Variants in CAST observed in about 807,000 individuals in gnomAD.
The protein encoded by CAST is calpastatin.
A neutral mutation model predicts 119.6 loss-of-function variants in CAST; 76 were observed. That is an observed-to-expected ratio of 0.64 (90% confidence interval 0.53 to 0.77). The LOEUF (loss-of-function observed/expected upper bound fraction) is 0.77, where lower values mean the gene tolerates loss of function less well. CAST is among the 30% of genes least tolerant of loss of function. CAST has a pLI of 0.00. For missense variants in CAST, 953 were observed against 946.5 expected, an observed-to-expected ratio of 1.01 and a Z score of -0.09; for synonymous variants, 319 against 331.6, an observed-to-expected ratio of 0.96 and a Z score of 0.41.
the CAST span, among the ~76,000 whole-genome samples, chr5:96,035,520 A>G: frequency 6.6e-6 from 1 of 152,138 alleles, no homozygotes; most frequent in South Asian, 2.1e-4. Flanking sequence ...TATTTTTAAC[A>G]AGGAATCCTA....
At chr5:96,318,468 CA>C in the CAST span, 2 of 152,200 alleles carry the variant, frequency 1.3e-5, no homozygotes, top group African/African-American at 4.8e-5. Context: ...TTCTTGCTCC[CA>C]CAGCTTTTGG....
At chr5:96,709,786 T>G (rs1755730093) in intron 3 of CAST, among the ~76,000 whole-genome samples, 1 of 152,240 alleles carries the variant, frequency 6.6e-6, no homozygotes, top group South Asian at 2.1e-4. Flanking sequence ...TTCTGAAAAT[T>G]TAATTACTTG....
the CAST span, among the ~76,000 whole-genome samples, chr5:96,261,920 T>A: frequency 6.6e-6 from 1 of 152,246 alleles, no homozygotes; most frequent in Non-Finnish European, 1.5e-5. Context: ...CTTTTTATGA[T>A]CACATCTAAT....
the CAST span, among the ~76,000 whole-genome samples, chr5:96,511,643 A>G: frequency 6.6e-6 from 1 of 152,184 alleles, no homozygotes; most frequent in African/African-American, 2.4e-5. Context: ...TAGAAAGGAC[A>G]TTTTATGCTA....
chr5:96,088,651 G>A, the CAST span, among the ~76,000 whole-genome samples: 22 of 152,170 alleles, frequency 1.4e-4, no homozygotes, highest in Admixed American at 6.5e-5. Flanking sequence ...AAAATATAAT[G>A]GAGGATGTTT....
intron 2 of CAST, among the ~76,000 whole-genome samples, chr5:96,680,922 T>C (rs1332935891): frequency 1.3e-5 from 2 of 152,250 alleles, no homozygotes; most frequent in Non-Finnish European, 2.9e-5. Flanking sequence ...CATGTCTCAG[T>C]GCCAAGAAAA....
intron 1 of CAST, among the ~76,000 whole-genome samples, chr5:96,617,812 A>C (rs1043946819): frequency 3.5e-5 from 5 of 144,544 alleles, no homozygotes; most frequent in Admixed American, 7.1e-5. Context: ...AAAAAAAAAA[A>C]AAAAAAAAAA....
the CAST span, among the ~76,000 whole-genome samples, chr5:96,476,030 AG>A: frequency 9.9e-5 from 15 of 152,204 alleles, no homozygotes; most frequent in Admixed American, 1.3e-4. Context: ...GAGCAGGAAA[AG>A]AAAGCCATCC....
the CAST span, among the ~76,000 whole-genome samples, chr5:96,167,447 T>C: frequency 2.6e-5 from 4 of 151,976 alleles, no homozygotes; most frequent in Non-Finnish European, 5.9e-5. Context: ...TAAAAAGGAG[T>C]GTCCATGCAG....
At chr5:95,997,962 G>GTTTTTTTTTTTTT in the CAST span, among the ~76,000 whole-genome samples, 1 of 111,698 alleles carries the variant, frequency 9.0e-6, no homozygotes, top group Non-Finnish European at 1.7e-5. Flanking sequence ...TTTGAGAGAG[G>GTTTTTTTTTTTTT]GTTTTTTTTT....
intron 1 of CAST, among the ~76,000 whole-genome samples, chr5:96,629,009 C>T (rs963061339): frequency 4.6e-5 from 7 of 152,068 alleles, no homozygotes; most frequent in African/African-American, 1.7e-4. Flanking sequence ...GCCAAGCCTC[C>T]ATTTTCGTTC....
At chr5:96,451,101 C>A in the CAST span, among the ~76,000 whole-genome samples, 1 of 152,000 alleles carries the variant, frequency 6.6e-6, no homozygotes, top group Non-Finnish European at 1.5e-5. Flanking sequence ...CTTAATTGCA[C>A]CTACCATTTG....
chr5:96,620,844 G>C (rs2611718), intron 1 of CAST, among the ~76,000 whole-genome samples: 109,776 of 152,160 alleles, frequency 0.72, 39,986 homozygotes, highest in African/African-American at 0.81. Context: ...AGAAAAAGCG[G>C]AAACGGTATT....
chr5:96,179,299 C>G, the CAST span, among the ~76,000 whole-genome samples: 1 of 152,190 alleles, frequency 6.6e-6, no homozygotes, highest in Non-Finnish European at 1.5e-5. Context: ...TATTCCCTGT[C>G]CTACCCTTGC....
chr5:96,444,980 G>A, the CAST span, among the ~76,000 whole-genome samples: 1 of 152,182 alleles, frequency 6.6e-6, no homozygotes, highest in African/African-American at 2.4e-5. Flanking sequence ...TAGAAGAGTT[G>A]AGAAAACCTC....
In CAST at chr5:96,770,583, A is replaced by C. The variant is rs1288996236; in HGVS notation, c.2321A>C (p.Lys774Thr). The change falls in exon 30 of 32, where the codon AAA becomes ACA. Residue 774 changes from lysine to threonine, a missense_variant. Transcript: ENST00000675179. ...SSSKAPKNGG[K>T]AKDSAKTTEE... ...TCCAAAGCACCTAAGAATGGAGGTA[A>C]AGCGAAGGATTCAGCAAAGGTAAAT... 1.9e-6 allele frequency: 3 copies of C among 1,612,386 alleles called. No individual in the cohort carries two copies. Among genetic ancestry groups the C allele is most frequent in the South Asian group, 1.1e-5 (1 of 91,038 alleles).
the CAST span, among the ~76,000 whole-genome samples, chr5:96,296,135 A>G: frequency 6.6e-6 from 1 of 152,220 alleles, no homozygotes; most frequent in East Asian, 1.9e-4. Flanking sequence ...TATTTCAAGT[A>G]TAAAACTAGC....
the CAST span, among the ~76,000 whole-genome samples, chr5:96,016,859 C>T: frequency 2.2e-4 from 24 of 109,974 alleles, no homozygotes; most frequent in Admixed American, 7.4e-4. Context: ...TTTTTTGAGA[C>T]GGAGTCTCCC....
intron 1 of CAST, among the ~76,000 whole-genome samples, chr5:96,615,016 C>G (rs575218620): frequency 6.6e-6 from 1 of 152,196 alleles, no homozygotes; most frequent in Admixed American, 6.5e-5. Context: ...TTGAACTTTA[C>G]GATGGTGCAG....
Sources: gnomAD v4.1 joint callset for allele counts (sites outside exome capture counted in the v4.1 genomes callset) on GRCh38, gnomAD v4.1.1 for gene constraint, MANE v1.5 for transcripts, NCBI Gene and HGNC (gene_info 2026-07-23, HGNC 2026-07-21) for gene names.